The following USP31 variants were observed in gnomAD, a reference collection of about 807,000 sequenced individuals.
The protein encoded by USP31 is ubiquitin specific peptidase 31, also known as ubiquitin carboxyl-terminal hydrolase 31.
A neutral mutation model predicts 119.4 loss-of-function variants in USP31; 44 were observed. That is an observed-to-expected ratio of 0.37 (90% CI 0.29 to 0.47). The LOEUF is 0.47. USP31 is among the 20% of genes least tolerant of loss of function. The probability of loss-of-function intolerance (pLI) is 0.99; values close to 1 mark genes in which losing one functional copy is unlikely to be tolerated. For synonymous variants in USP31, 749 were observed against 705.6 expected, an observed-to-expected ratio of 1.06 and a Z score of -0.97; for missense variants, 1,643 against 1,730.2, an observed-to-expected ratio of 0.95 and a Z score of 0.89.
chr16:23,104,683 G>C lies in USP31; in HGVS notation c.1089+758C>G, dbSNP rs959568393. Among the ~76,000 whole-genome samples the C allele has an allele frequency of 5.2e-4, 79 of 152,158 alleles. 1 individual carries two copies. Among genetic ancestry groups the C allele is most frequent in the Non-Finnish European group, 1.0e-4 (7 of 68,036 alleles). ...AGTACAAAACACCTTTATTATTCCAGGGATTACACAGTAGCTTCCAGAAGC... is the reference window on the plus strand; with the variant it reads ...AGTACAAAACACCTTTATTATTCCACGGATTACACAGTAGCTTCCAGAAGC... On this transcript the variant is annotated intron_variant, in intron 5 of 15. Transcript: ENST00000219689.
chr16:23,149,148 G>C lies in USP31; in HGVS notation c.123C>G (p.Pro41=). Residue 41 remains proline (P), a synonymous_variant, in exon 1 of 16, where the codon CCC becomes CCG. Coordinates refer to ENST00000219689, the MANE Select transcript of USP31 (RefSeq NM_020718.4). ...AAGGCGCGGCCGGCCCGGACGCCCC[G>C]GGGCCCCCCGCGCCGCCGCCGCCAG... ...GRAGGGGAGG[P]GASGPAAPSS... 8.4e-7 allele frequency: 1 copy of C among 1,185,746 alleles called. No individual in the cohort carries two copies. The highest frequency in any genetic ancestry group is 4.7e-5 in the Admixed American group (1 of 21,122). 73.5% of individuals were successfully genotyped at this position (1,185,746 alleles called of 1,614,324 possible).
intron 1 of USP31, among the ~76,000 whole-genome samples, chr16:23,133,426 C>T (rs376839800): frequency 1.8e-4 from 28 of 152,284 alleles, no homozygotes; most frequent in African/African-American, 6.7e-4. Context: ...TTGAATAAGA[C>T]ATAATCACTG....
At chr16:23,089,173 G>A (rs993823457) in intron 7 of USP31, among the ~76,000 whole-genome samples, 6 of 152,108 alleles carry the variant, frequency 3.9e-5, no homozygotes, top group African/African-American at 1.2e-4. Context: ...CTAGTCTTGT[G>A]TGCATGTACC....
chr16:23,103,273 T>C (rs1901960372), intron 5 of USP31, among the ~76,000 whole-genome samples: 2 of 152,102 alleles, frequency 1.3e-5, no homozygotes, highest in Admixed American at 6.5e-5. Flanking sequence ...TTTCTATTTT[T>C]CAAGCCTAAA....
intron 1 of USP31, among the ~76,000 whole-genome samples, chr16:23,142,365 C>T (rs1281984963): frequency 1.3e-5 from 2 of 152,192 alleles, no homozygotes; most frequent in African/African-American, 2.4e-5. Context: ...AGCAATGGCA[C>T]AAACGTGAAG....
intron 6 of USP31, among the ~76,000 whole-genome samples, chr16:23,100,009 TAA>T (rs1046370661): frequency 1.5e-4 from 23 of 152,084 alleles, no homozygotes; most frequent in African/African-American, 5.6e-4. Flanking sequence ...TAGCTAAAAT[TAA>T]AGAGTCAGAT....
Position 23,087,118 on chromosome 16 carries a change from C to A in USP31, c.1596G>T (p.Gln532His), listed in dbSNP as rs4597335. Residue 532 changes from glutamine to histidine, a missense_variant, in exon 9 of 16, where the codon CAG becomes CAT. Transcript: ENST00000219689. ...TTTCTACTATTGGGTGGCACAAGGG[C>A]TGCTCCTCCTGGGGCAGCAAATATG... Reference protein sequence around the residue: ...GITYLLPQEEQPLCHPIVERA... With the variant: ...GITYLLPQEEHPLCHPIVERA... 1.9e-6 allele frequency: 3 copies of A among 1,613,586 alleles called. No individual in the cohort carries two copies. The highest frequency in any genetic ancestry group is 3.3e-5 in the Admixed American group (2 of 59,954).
intron 15 of USP31, among the ~76,000 whole-genome samples, chr16:23,071,747 G>GGA (rs1555463682): frequency 3.6e-4 from 53 of 145,714 alleles, no homozygotes; most frequent in Admixed American, 7.4e-4. Flanking sequence ...AACACTTTGG[G>GGA]AAAAAAAAAA....
In USP31 at chr16:23,068,536, CT is replaced by C. The variant is rs763135221; in HGVS notation, c.3568del (p.Arg1190GlyfsTer26). The C allele has an allele frequency of 1.2e-6, 2 of 1,613,940 alleles. No individual in the cohort carries two copies. The highest frequency in any genetic ancestry group is 8.5e-7 in the Non-Finnish European group (1 of 1,179,930). ...GCTCCGCACGTGCTTCCCGGCCCCC[CT>C]GCCCTCCCCTGCTCGGGCCTGGCTC... is the stretch of plus-strand genomic sequence containing the variant. ...RVSQARAGEG[R>X]GAGKHVRSSS... On this transcript the variant is annotated frameshift_variant, in exon 16 of 16. Coordinates refer to ENST00000219689, the MANE Select transcript of USP31 (RefSeq NM_020718.4). LOFTEE classifies it high-confidence loss of function.
At chr16:23,095,473 A>G (rs892022015) in intron 6 of USP31, among the ~76,000 whole-genome samples, 2 of 152,240 alleles carry the variant, frequency 1.3e-5, no homozygotes, top group Admixed American at 6.5e-5. Flanking sequence ...GCAGGCCAAC[A>G]TTCAAATTCA....
intron 6 of USP31, among the ~76,000 whole-genome samples, chr16:23,100,200 T>C (rs1271064320): frequency 6.6e-6 from 1 of 152,020 alleles, no homozygotes; most frequent in Non-Finnish European, 1.5e-5. Flanking sequence ...AAAACATAAG[T>C]CCACACAAAA....
rs577208255 is a variant in USP31 at position 23,072,315 on chromosome 16, C to T, written c.2336-118G>A. 47 of 1,385,088 alleles carry T rather than the reference C, an allele frequency of 3.4e-5. No homozygotes were observed. In the African/African-American group the frequency reaches 5.0e-4, roughly 15 times the overall value. 85.8% of individuals were successfully genotyped at this position (1,385,088 alleles called of 1,614,324 possible). A position where few individuals can be genotyped will look rare whatever the true frequency, so the allele number is the denominator to read the frequency against. On this transcript the variant is annotated intron_variant, in intron 14 of 15. Coordinates refer to ENST00000219689, the MANE Select transcript of USP31 (RefSeq NM_020718.4). Reference sequence around the variant, plus strand: ...CTGGGGGGCGTTGATGTCCTCACCCCGAGGTCAGCATCAATTCCCAGACCC... The same window carrying T: ...CTGGGGGGCGTTGATGTCCTCACCCTGAGGTCAGCATCAATTCCCAGACCC...
rs1257628205 is a variant in USP31, at chr16:23,064,290, C to T, written c.*3756G>A. The T allele has an allele frequency of 6.6e-6, 1 of 152,420 alleles. No homozygotes were observed. The highest frequency in any genetic ancestry group is 2.4e-5 in the African/African-American group (1 of 41,446). The allele number at this position is 152,420 out of a possible 1,614,324, so 9.4% of individuals were successfully genotyped here. ...GAATGAAATGTAACGTCTGATGCCC[C>T]TCTATGTGAAATAAAGCACGCTTAT... On this transcript the variant is annotated 3_prime_UTR_variant, in exon 16 of 16. Transcript: ENST00000219689.
intron 11 of USP31, among the ~76,000 whole-genome samples, chr16:23,083,057 T>C (rs2141842714): frequency 6.6e-6 from 1 of 152,188 alleles, no homozygotes; most frequent in Non-Finnish European, 1.5e-5. Context: ...CTTGAACTCG[T>C]GAACTCAGGC....
At chr16:23,130,410 ACC>A (rs10709257) in intron 1 of USP31, among the ~76,000 whole-genome samples, 6,609 of 144,338 alleles carry the variant, frequency 0.046, 223 homozygotes, top group African/African-American at 0.09. Flanking sequence ...ACAAAGTGAC[ACC>A]CCCCCCCCAA....
intron 1 of USP31, among the ~76,000 whole-genome samples, chr16:23,114,073 C>T (rs1170752708): frequency 6.6e-6 from 1 of 151,622 alleles, no homozygotes; most frequent in African/African-American, 2.4e-5. Flanking sequence ...TCACTGCACT[C>T]CAGCCTAGGC....
In USP31 at chr16:23,069,066, G is replaced by A. The variant is rs764438669; in HGVS notation, c.3039C>T (p.Gly1013=). ...VKEVKAPSHP[G]SLAKKPESTT... ...TGCTCTCTGGTTTCTTTGCGAGTGA[G>A]CCTGGGTGGCTGGGGGCTTTCACCT... Residue 1013 remains glycine, a synonymous_variant, in exon 16 of 16, where the codon GGC becomes GGT. Coordinates refer to ENST00000219689, the MANE Select transcript of USP31 (RefSeq NM_020718.4). 14 of 1,612,514 alleles carry A rather than the reference G, an allele frequency of 8.7e-6. No homozygotes were observed. Among genetic ancestry groups the A allele is most frequent in the Non-Finnish European group, 1.2e-5 (14 of 1,180,014 alleles).
intron 1 of USP31, among the ~76,000 whole-genome samples, chr16:23,114,829 G>GA (rs1295572861): frequency 2.0e-5 from 3 of 152,164 alleles, no homozygotes; most frequent in Non-Finnish European, 2.9e-5. Flanking sequence ...TTAAGGAAAA[G>GA]AAAATCTTAA....
chr16:23,145,464 A>C (rs1903478161), intron 1 of USP31, among the ~76,000 whole-genome samples: 1 of 152,198 alleles, frequency 6.6e-6, no homozygotes, highest in African/African-American at 2.4e-5. Context: ...TGAAGACAGG[A>C]AAACCCAAAT....
Sources: gnomAD v4.1 joint callset for allele counts (sites outside exome capture counted in the v4.1 genomes callset) on GRCh38, gnomAD v4.1.1 for gene constraint, MANE v1.5 for transcripts, NCBI Gene and HGNC (gene_info 2026-07-23, HGNC 2026-07-21) for gene names.